CACNA2D3: variants seen among roughly 807,000 people sequenced by gnomAD.
CACNA2D3 encodes the protein calcium voltage-gated channel auxiliary subunit alpha2delta 3.
In CACNA2D3, 60 loss-of-function variants were observed where a neutral mutation model predicts 160.6. That is an observed-to-expected ratio of 0.37 (90% CI 0.30 to 0.46). The LOEUF (loss-of-function observed/expected upper bound fraction) is 0.46, where lower values mean the gene tolerates loss of function less well. Ranked by LOEUF, CACNA2D3 falls within the 20% of genes least tolerant of loss-of-function variation. The pLI, the probability that CACNA2D3 is intolerant of heterozygous loss-of-function variation, is 1.00. For missense variants in CACNA2D3, 1,205 were observed against 1,365.0 expected (o/e 0.88, Z 1.85); for synonymous variants, 558 against 492.9 (o/e 1.13, Z -1.75).
chr3:54,815,921 A>G (rs1298710548), intron 13 of CACNA2D3, among the ~76,000 whole-genome samples: 1 of 152,228 alleles, frequency 6.6e-6, no homozygotes, highest in Admixed American at 6.5e-5. Context: ...TGTTAATTCC[A>G]TTCCAGATTA....
At chr3:54,357,475 T>A (rs1419184737) in intron 3 of CACNA2D3, among the ~76,000 whole-genome samples, 1 of 152,194 alleles carries the variant, frequency 6.6e-6, no homozygotes, top group Non-Finnish European at 1.5e-5. Flanking sequence ...CTGGCAGGAA[T>A]GCAAAACGGT....
intron 2 of CACNA2D3, among the ~76,000 whole-genome samples, chr3:54,158,863 T>C (rs1700289496): frequency 6.6e-6 from 1 of 152,220 alleles, no homozygotes; most frequent in Non-Finnish European, 1.5e-5. Flanking sequence ...AATATTTCAT[T>C]TGTCCTACCT....
intron 4 of CACNA2D3, among the ~76,000 whole-genome samples, chr3:54,412,818 TCTAC>T (rs987445967): frequency 4.0e-5 from 6 of 151,810 alleles, no homozygotes; most frequent in Non-Finnish European, 8.9e-5. Context: ...TGTCTTTAAA[TCTAC>T]CTTAATTTTT....
chr3:55,069,858 T>A (rs1704758932), intron 35 of CACNA2D3, among the ~76,000 whole-genome samples: 1 of 152,224 alleles, frequency 6.6e-6, no homozygotes, highest in Admixed American at 6.5e-5. Flanking sequence ...TACATAATGG[T>A]CACCAAAAAA....
chr3:55,044,090 A>G (rs1411847244), intron 35 of CACNA2D3, among the ~76,000 whole-genome samples: 2 of 152,168 alleles, frequency 1.3e-5, no homozygotes, highest in South Asian at 2.1e-4. Context: ...CTATTCTAGT[A>G]CATTTGCCTT....
chr3:54,455,936 G>A (rs1420120023), intron 4 of CACNA2D3, among the ~76,000 whole-genome samples: 2 of 152,046 alleles, frequency 1.3e-5, no homozygotes, highest in East Asian at 3.9e-4. Context: ...TGGTCTATGT[G>A]TCTGTTTTTA....
intron 27 of CACNA2D3, among the ~76,000 whole-genome samples, chr3:54,927,002 T>A (rs1217548303): frequency 6.6e-6 from 1 of 152,178 alleles, no homozygotes; most frequent in Admixed American, 6.5e-5. Context: ...ATGACAAACA[T>A]CTGCCAAGGG....
In CACNA2D3 at chr3:55,007,809, C is replaced by T. The variant is rs1703128887; in HGVS notation, c.2786C>T (p.Ser929Phe). Residue 929 changes from serine to phenylalanine, a missense_variant, in exon 33 of 38, where the codon TCT becomes TTT. This residue lies in a region of CACNA2D3 where 911 missense variants were observed against 1,002.2 expected (regional missense o/e 0.91). Transcript: ENST00000474759. ...CTTCAGCCTTATAATGCCTTCCTCT[C>T]TGCAGTAAAATGGATCATGACAGAA... ...GLLDPYNAFL[S>F]AVKWIMTELV... 1 of 1,563,372 alleles carries T rather than the reference C, an allele frequency of 6.4e-7. No homozygotes were observed. Among genetic ancestry groups the T allele is most frequent in the Non-Finnish European group, 8.6e-7 (1 of 1,157,232 alleles).
intron 2 of CACNA2D3, among the ~76,000 whole-genome samples, chr3:54,295,982 G>A (rs1021193547): frequency 1.3e-5 from 2 of 152,170 alleles, no homozygotes; most frequent in African/African-American, 4.8e-5. Flanking sequence ...TGACAAAAGG[G>A]TAGGGAGCCC....
At chr3:54,639,245 C>T (rs1383712409) in intron 10 of CACNA2D3, 1 of 151,794 alleles carries the variant, frequency 6.6e-6, no homozygotes, top group Non-Finnish European at 1.5e-5. Flanking sequence ...AAAAGCGGGA[C>T]TTGCCGCTAA....
intron 2 of CACNA2D3, among the ~76,000 whole-genome samples, chr3:54,305,549 C>T (rs7427716): frequency 0.09 from 13,736 of 152,250 alleles, 840 homozygotes; most frequent in South Asian, 0.14. Flanking sequence ...GATGAATGTA[C>T]GCTAATGATC....
intron 2 of CACNA2D3, among the ~76,000 whole-genome samples, chr3:54,318,356 A>G (rs1434423299): frequency 6.6e-6 from 1 of 152,218 alleles, no homozygotes; most frequent in African/African-American, 2.4e-5. Flanking sequence ...AGAGAAACTC[A>G]TAAGATTTTT....
rs549841414 is a variant in CACNA2D3 at position 54,968,508 on chromosome 3, A to G, written c.2508A>G (p.Arg836=). Residue 836 remains arginine, a synonymous_variant, in exon 28 of 38, where the codon AGA becomes AGG. Transcript: ENST00000474759. ...AAAGGAAGTTCTGGACTGCCAGCAGACAGGTAAGTTATAATCAGCATCTTG... is the reference window on the plus strand; with the variant it reads ...AAAGGAAGTTCTGGACTGCCAGCAGGCAGGTAAGTTATAATCAGCATCTTG... ...FFQRKFWTAS[R]QCASLDGKCS... is the part of the protein sequence containing the mutation. 9.3e-6 allele frequency: 15 copies of G among 1,608,410 alleles called. No individual in the cohort carries two copies. The Admixed American group carries it at 2.2e-4, about 23-fold the overall frequency.
At chr3:54,286,965 G>A (rs2107470939) in intron 2 of CACNA2D3, among the ~76,000 whole-genome samples, 1 of 152,288 alleles carries the variant, frequency 6.6e-6, no homozygotes, top group African/African-American at 2.4e-5. Context: ...ACCAGCCACT[G>A]CAAAAACATG....
At chr3:54,824,979 C>T (rs1026554694) in intron 14 of CACNA2D3, among the ~76,000 whole-genome samples, 1 of 152,204 alleles carries the variant, frequency 6.6e-6, no homozygotes, top group Non-Finnish European at 1.5e-5. Flanking sequence ...TTTCTAGTTT[C>T]AGACTTAATT....
intron 11 of CACNA2D3, among the ~76,000 whole-genome samples, chr3:54,678,715 G>T (rs621943): frequency 6.1e-5 from 2 of 32,902 alleles, no homozygotes; most frequent in Non-Finnish European, 1.7e-4. Context: ...AGTGAGACTC[G>T]GTCTCAAAAA....
At chr3:54,898,228 CTT>C (rs1182998445) in intron 26 of CACNA2D3, among the ~76,000 whole-genome samples, 2 of 128,164 alleles carry the variant, frequency 1.6e-5, no homozygotes, top group Non-Finnish European at 1.6e-5. Flanking sequence ...CCCACCCCGT[CTT>C]TTTTTTTTTT....
At chr3:54,448,099 G>A (rs1458111627) in intron 4 of CACNA2D3, among the ~76,000 whole-genome samples, 2 of 152,140 alleles carry the variant, frequency 1.3e-5, no homozygotes, top group South Asian at 2.1e-4. Flanking sequence ...TGCATCCATA[G>A]TTCAGTCTCG....
intron 27 of CACNA2D3, among the ~76,000 whole-genome samples, chr3:54,909,562 A>G (rs1700514443): frequency 6.6e-6 from 1 of 152,118 alleles, no homozygotes; most frequent in Non-Finnish European, 1.5e-5. Context: ...TCCAACCTGC[A>G]GCCCATGGGC....
Sources: allele counts gnomAD v4.1 joint callset (sites outside exome capture counted in the v4.1 genomes callset), GRCh38; gene constraint gnomAD v4.1.1; regional missense constraint gnomAD v4.1.1; transcripts MANE v1.5; gene names NCBI Gene and HGNC (gene_info 2026-07-23, HGNC 2026-07-21).